The following SATL1 variants were observed in gnomAD, a reference collection of about 807,000 sequenced individuals.
SATL1 encodes the protein spermidine/spermine N(1)-acetyltransferase-like protein 1.
In SATL1, 47 loss-of-function variants were observed where a neutral mutation model predicts 51.8. The observed-to-expected ratio is 0.91, with a 90% CI of 0.72 to 1.16. The LOEUF is 1.16. Ranked by LOEUF, SATL1 falls within the 50% of genes most tolerant of loss-of-function variation. The pLI, the probability that SATL1 is intolerant of heterozygous loss-of-function variation, is 0.00. For synonymous variants in SATL1, 176 were observed against 182.4 expected, an observed-to-expected ratio of 0.97 and a Z score of 0.28; for missense variants, 520 against 526.4, an observed-to-expected ratio of 0.99 and a Z score of 0.12.
intron 2 of SATL1, among the ~76,000 whole-genome samples, chrX:85,170,750 A>G (rs1036019239): frequency 8.9e-6 from 1 of 111,813 alleles, no homozygotes; most frequent in Non-Finnish European, 1.9e-5. Flanking sequence ...TTAAAACAAT[A>G]GTAGTCTTTA....
intron 2 of SATL1, among the ~76,000 whole-genome samples, chrX:85,189,822 A>C (rs1322861090): frequency 8.9e-6 from 1 of 112,049 alleles, no homozygotes; most frequent in Non-Finnish European, 1.9e-5. Context: ...TCAATAAGTA[A>C]ATGCACAGAA....
chrX:85,223,360 A>C (rs1014432313), intron 2 of SATL1, among the ~76,000 whole-genome samples: 4 of 111,598 alleles, frequency 3.6e-5, no homozygotes, highest in African/African-American at 1.3e-4. Context: ...AAAGGATATG[A>C]GTATGGCAGA....
chrX:85,209,832 C>G (rs1927873210), intron 2 of SATL1: 1 of 110,076 alleles, frequency 9.1e-6, no homozygotes, highest in African/African-American at 3.3e-5. Flanking sequence ...GTCTCCATCT[C>G]CTTCAGTTCT....
rs746803155 is a variant in SATL1 at position 85,231,176 on chromosome X, C to T, written c.-434-6850G>A. Among the ~76,000 whole-genome samples the T allele has an allele frequency of 1.3e-4, 15 of 111,556 alleles. No individual in the cohort carries two copies. In the South Asian group the frequency reaches 4.1e-3, roughly 31 times the overall value. On this transcript the variant is annotated intron_variant, in intron 1 of 7. Transcript: ENST00000644105. ...AGCTAAATTTATACCCACAAATGAA[C>T]GGATAAAGAAAATGTGGTATATGCA... is the stretch of plus-strand genomic sequence containing the variant.
At chrX:85,162,990 G>T (rs1423100137) in intron 2 of SATL1, among the ~76,000 whole-genome samples, 2 of 107,160 alleles carry the variant, frequency 1.9e-5, no homozygotes, top group Non-Finnish European at 1.9e-5. Context: ...AGAGGTATCG[G>T]TCTGTAGTTT....
chrX:85,209,583 GT>G (rs1481589316), intron 2 of SATL1: 1 of 111,164 alleles, frequency 9.0e-6, no homozygotes, highest in Non-Finnish European at 1.9e-5. Context: ...CCTTGAAGAG[GT>G]CCTTCACATC....
chrX:85,124,084 A>C (rs1237571590), intron 2 of SATL1, among the ~76,000 whole-genome samples: 1 of 112,155 alleles, frequency 8.9e-6, no homozygotes, highest in Non-Finnish European at 1.9e-5. Flanking sequence ...ATGATTTATA[A>C]ATATGCTAGC....
chrX:85,225,249 T>TAC (rs761217109), intron 1 of SATL1, among the ~76,000 whole-genome samples: 1 of 111,538 alleles, frequency 9.0e-6, no homozygotes, highest in East Asian at 2.8e-4. Flanking sequence ...ATAGAACAAA[T>TAC]ACACACACAC....
rs755569722 is a variant in SATL1, at chrX:85,107,420, TCA to T, written c.1547_1548del (p.Val516GlufsTer31). ...LSQPGRSQPS[V>X]SQMGMRQTSM... ...CTTGTTTGCCTCATGCCCATTTGGC[TCA>T]CACTTGGTTGGCTCCTGCCTGGTTG... On this transcript the variant is annotated frameshift_variant, in exon 3 of 8. Coordinates refer to ENST00000644105, the MANE Select transcript of SATL1 (RefSeq NM_001367857.2). LOFTEE classifies it high-confidence loss of function. The T allele has an allele frequency of 8.3e-7, 1 of 1,211,277 alleles. No homozygotes were observed. The highest frequency in any genetic ancestry group is 1.7e-5 in the African/African-American group (1 of 57,669).
intron 2 of SATL1, among the ~76,000 whole-genome samples, chrX:85,195,018 G>GTA (rs35656305): frequency 0.04 from 4,239 of 104,898 alleles, 194 homozygotes; most frequent in African/African-American, 0.13. Context: ...GACTTAAAGT[G>GTA]TATATATATA....
Sources: allele counts gnomAD v4.1 joint callset (sites outside exome capture counted in the v4.1 genomes callset), GRCh38; gene constraint gnomAD v4.1.1; transcripts MANE v1.5; gene names NCBI Gene and HGNC (gene_info 2026-07-23, HGNC 2026-07-21).